Variants in CAMKMT observed in about 807,000 individuals in gnomAD.
CAMKMT encodes the protein calmodulin-lysine N-methyltransferase.
A neutral mutation model predicts 48.0 loss-of-function variants in CAMKMT; 53 were observed. The ratio of observed to expected loss-of-function variants is 1.10; its 90% CI spans 0.89 to 1.39. The LOEUF (loss-of-function observed/expected upper bound fraction) is 1.39, where lower values mean the gene tolerates loss of function less well. Ranked by LOEUF, CAMKMT falls within the 40% of genes most tolerant of loss-of-function variation. The pLI is 0.00. For synonymous variants in CAMKMT, 165 were observed against 152.3 expected (o/e 1.08, Z -0.61); for missense variants, 428 against 402.7 (o/e 1.06, Z -0.54).
intron 3 of CAMKMT, among the ~76,000 whole-genome samples, chr2:44,596,302 T>C (rs1222767159): frequency 2.6e-5 from 4 of 151,458 alleles, no homozygotes; most frequent in African/African-American, 9.7e-5. Flanking sequence ...ATACAAAAAT[T>C]AGCTGGCGTG....
chr2:44,537,210 A>G (rs12622597), intron 3 of CAMKMT, among the ~76,000 whole-genome samples: 84,145 of 152,152 alleles, frequency 0.55, 25,163 homozygotes, highest in South Asian at 0.69. Context: ...GGAAACAATC[A>G]ACAGAATAAA....
intron 3 of CAMKMT, among the ~76,000 whole-genome samples, chr2:44,623,692 A>C (rs1426193924): frequency 6.6e-6 from 1 of 151,954 alleles, no homozygotes; most frequent in African/African-American, 2.4e-5. Context: ...TTAAGTGTGC[A>C]TTTTAATGAG....
chr2:44,364,182 A>C (rs762744621), intron 1 of CAMKMT, among the ~76,000 whole-genome samples: 11 of 152,000 alleles, frequency 7.2e-5, no homozygotes, highest in Non-Finnish European at 1.2e-4. Context: ...AAACTACAGC[A>C]CTTATGTTCA....
intron 1 of CAMKMT, among the ~76,000 whole-genome samples, chr2:44,369,070 G>C (rs1678906915): frequency 6.6e-6 from 1 of 152,078 alleles, no homozygotes; most frequent in Non-Finnish European, 1.5e-5. Flanking sequence ...TTTTAGTAGA[G>C]ATGGGGTTTC....
chr2:44,717,751 T>C (rs530813523), intron 7 of CAMKMT, among the ~76,000 whole-genome samples: 82 of 151,980 alleles, frequency 5.4e-4, no homozygotes, highest in Non-Finnish European at 8.5e-4. Flanking sequence ...TTGTAACAGC[T>C]GAATGTCTCT....
Position 44,545,681 on chromosome 2 carries a change from CT to C in CAMKMT, c.376+155393del, listed in dbSNP as rs71393283. ...CGGTGTTCTAACTTCTAGACTCGGT[CT>C]TTTTTTTTTTTTTTTTAACTATATC... On this transcript the variant is annotated intron_variant, in intron 3 of 10. Coordinates refer to ENST00000378494, the MANE Select transcript of CAMKMT (RefSeq NM_024766.5). Among the ~76,000 whole-genome samples the C allele has an allele frequency of 2.6e-3, 349 of 135,634 alleles. 2 individuals are homozygous for C. Among genetic ancestry groups the C allele is most frequent in the African/African-American group, 6.2e-3 (225 of 36,462 alleles). 89.0% of individuals were successfully genotyped at this position (135,634 alleles called of 152,430 possible).
intron 3 of CAMKMT, among the ~76,000 whole-genome samples, chr2:44,486,697 A>C (rs956472915): frequency 6.6e-6 from 1 of 152,244 alleles, no homozygotes; most frequent in African/African-American, 2.4e-5. Context: ...TGCTCAGCAC[A>C]GATACCGCTT....
At chr2:44,701,727 A>G (rs1677270828) in intron 3 of CAMKMT, among the ~76,000 whole-genome samples, 2 of 152,248 alleles carry the variant, frequency 1.3e-5, no homozygotes, top group Admixed American at 6.5e-5. Context: ...AACTGGTTAA[A>G]TGAATTCTGA....
chr2:44,691,961 C>G (rs577485327), intron 3 of CAMKMT, among the ~76,000 whole-genome samples: 12 of 152,266 alleles, frequency 7.9e-5, no homozygotes, highest in African/African-American at 2.9e-4. Context: ...TATAGGGAGG[C>G]CTGCACTTAA....
rs184659005 is a variant in CAMKMT at position 44,578,362 on chromosome 2, C to T, written c.377-125921C>T. On this transcript the variant is annotated intron_variant, in intron 3 of 10. Transcript: ENST00000378494. ...TCGATGTATTCATACTAACAGTGAA[C>T]ATGATATTTTAAATTTTGCTGTCAC... is the stretch of plus-strand genomic sequence containing the variant. Among the ~76,000 whole-genome samples the T allele has an allele frequency of 1.2e-3, 187 of 152,214 alleles. 3 individuals are homozygous for T. Among genetic ancestry groups the T allele is most frequent in the Non-Finnish European group, 2.1e-4 (14 of 68,002 alleles).
At chr2:44,513,404 G>A (rs368764197) in intron 3 of CAMKMT, among the ~76,000 whole-genome samples, 22 of 152,290 alleles carry the variant, frequency 1.4e-4, no homozygotes, top group African/African-American at 4.8e-4. Context: ...TGCTAGTAAG[G>A]TCAGAGCTCA....
At chr2:44,443,007 G>A (rs556918446) in intron 3 of CAMKMT, among the ~76,000 whole-genome samples, 6 of 152,040 alleles carry the variant, frequency 3.9e-5, no homozygotes, top group Non-Finnish European at 8.8e-5. Flanking sequence ...CTTCTTCCCG[G>A]CAGCACGTTC....
At chr2:44,464,568 C>T (rs1668013469) in intron 3 of CAMKMT, among the ~76,000 whole-genome samples, 1 of 152,172 alleles carries the variant, frequency 6.6e-6, no homozygotes, top group African/African-American at 2.4e-5. Context: ...AAGACAGAAT[C>T]TGCAAAGCAG....
chr2:44,594,133 A>C (rs554083688), intron 3 of CAMKMT, among the ~76,000 whole-genome samples: 5 of 152,170 alleles, frequency 3.3e-5, no homozygotes, highest in Non-Finnish European at 5.9e-5. Flanking sequence ...TGCAAGGAGA[A>C]CTACAAATCA....
At chr2:44,402,978 G>C (rs1272356901) in intron 3 of CAMKMT, among the ~76,000 whole-genome samples, 2 of 122,906 alleles carry the variant, frequency 1.6e-5, no homozygotes, top group Admixed American at 8.0e-5. Flanking sequence ...CGCTTTTTCT[G>C]TTTCTTTTCT....
At chr2:44,542,688 G>A (rs1384131637) in intron 3 of CAMKMT, among the ~76,000 whole-genome samples, 2 of 152,158 alleles carry the variant, frequency 1.3e-5, no homozygotes, top group Non-Finnish European at 2.9e-5. Context: ...GAAGGAAGAG[G>A]GAGAGGGGAG....
At chr2:44,511,632 A>T (rs1416686673) in intron 3 of CAMKMT, among the ~76,000 whole-genome samples, 1 of 152,170 alleles carries the variant, frequency 6.6e-6, no homozygotes, top group African/African-American at 2.4e-5. Context: ...CACGTCCTAC[A>T]TTCTTAATCG....
chr2:44,766,547 A>G lies in CAMKMT; in HGVS notation c.880A>G (p.Asn294Asp), dbSNP rs774364178. Residue 294 changes from asparagine to aspartate, a missense_variant, in exon 10 of 11, where the codon AAC becomes GAC. Coordinates refer to ENST00000378494, the MANE Select transcript of CAMKMT (RefSeq NM_024766.5). ...TGAAAATTATGATGAACACATTTCA[A>G]ACTTCCACTCCAAGGTTAGTTTTCT... is the stretch of plus-strand genomic sequence containing the variant. ...RHENYDEHIS[N>D]FHSKLKKENP... 6.2e-7 allele frequency: 1 copy of G among 1,614,036 alleles called. No homozygotes were observed. Among genetic ancestry groups the G allele is most frequent in the Non-Finnish European group, 8.5e-7 (1 of 1,180,008 alleles).
At chr2:44,472,120 G>A (rs1302006991) in intron 3 of CAMKMT, among the ~76,000 whole-genome samples, 1 of 152,138 alleles carries the variant, frequency 6.6e-6, no homozygotes, top group African/African-American at 2.4e-5. Flanking sequence ...GCCCCGGCTG[G>A]AGTGCAGTGG....
Sources: allele counts gnomAD v4.1 joint callset (sites outside exome capture counted in the v4.1 genomes callset), GRCh38; gene constraint gnomAD v4.1.1; transcripts MANE v1.5; gene names NCBI Gene and HGNC (gene_info 2026-07-23, HGNC 2026-07-21).